FRY: variants seen among roughly 807,000 people sequenced by gnomAD.
The protein encoded by FRY is FRY microtubule binding protein, also known as protein furry homolog.
A neutral mutation model predicts 348.4 loss-of-function variants in FRY; 128 were observed. That is an observed-to-expected ratio of 0.37 (90% confidence interval 0.32 to 0.43). The LOEUF (loss-of-function observed/expected upper bound fraction) is 0.43. Ranked by LOEUF, FRY falls within the 20% of genes least tolerant of loss-of-function variation. The pLI is 1.00. For missense variants in FRY, 2,736 were observed against 3,695.2 expected (o/e 0.74, Z 6.73); for synonymous variants, 1,370 against 1,374.7 (o/e 1.00, Z 0.08).
chr13:32,191,822 A>G (rs1566121756), intron 28 of FRY, among the ~76,000 whole-genome samples: 1 of 151,834 alleles, frequency 6.6e-6, no homozygotes, highest in Non-Finnish European at 1.5e-5. Flanking sequence ...TGACCTAATC[A>G]CCTCCTAAAG....
chr13:32,228,714 C>A, intron 40 of FRY, 60 bp downstream of exon 40: 1 of 1,358,714 alleles, frequency 7.4e-7, no homozygotes, highest in Non-Finnish European at 1.1e-6. Context: ...AAATTGCCAA[C>A]GCTTTAAACC....
chr13:32,143,849 C>T (rs1880232573), intron 11 of FRY, among the ~76,000 whole-genome samples: 1 of 152,130 alleles, frequency 6.6e-6, no homozygotes, highest in Non-Finnish European at 1.5e-5. Context: ...TGTGCATTAA[C>T]TCACTTAACT....
At chr13:32,160,603 G>T (rs1881384158) in intron 16 of FRY, among the ~76,000 whole-genome samples, 1 of 152,144 alleles carries the variant, frequency 6.6e-6, no homozygotes, top group Non-Finnish European at 1.5e-5. Context: ...TTAAAAGTCA[G>T]AAATGGGTGC....
intron 2 of FRY, among the ~76,000 whole-genome samples, chr13:32,094,771 T>A (rs1378359527): frequency 6.6e-6 from 1 of 152,210 alleles, no homozygotes; most frequent in Admixed American, 6.5e-5. Context: ...TGATGGACAC[T>A]TAGGTTGCTT....
chr13:32,072,764 G>A (rs1372466667), intron 1 of FRY, among the ~76,000 whole-genome samples: 1 of 152,190 alleles, frequency 6.6e-6, no homozygotes, highest in East Asian at 1.9e-4. Flanking sequence ...GGGAAAGTGT[G>A]ATTCTAAAGA....
intron 53 of FRY, among the ~76,000 whole-genome samples, chr13:32,263,582 TAA>T (rs1346033125): frequency 2.6e-5 from 4 of 152,234 alleles, no homozygotes; most frequent in African/African-American, 4.8e-5. Flanking sequence ...GTTAAAATTC[TAA>T]GATTATGAAA....
rs1049955428 is a variant in FRY, at chr13:32,295,711, C to T, written c.*251C>T. On this transcript the variant is annotated 3_prime_UTR_variant, in exon 61 of 61. Transcript: ENST00000542859. Reference sequence around the variant, plus strand: ...GTGGCACAAATGTGTTACATTTGACCGAGCATATGCAACTCGCTACTGAAG... The same window carrying T: ...GTGGCACAAATGTGTTACATTTGACTGAGCATATGCAACTCGCTACTGAAG... 58 of 566,370 alleles carry T rather than the reference C, an allele frequency of 1.0e-4. No individual in the cohort carries two copies. Among genetic ancestry groups the T allele is most frequent in the South Asian group, 8.5e-4 (40 of 46,922 alleles). The allele number at this position is 566,370 out of a possible 1,614,324, so 35.1% of individuals were successfully genotyped here.
intron 3 of FRY, among the ~76,000 whole-genome samples, chr13:32,112,601 A>G (rs1878043395): frequency 6.6e-6 from 1 of 152,254 alleles, no homozygotes; most frequent in Non-Finnish European, 1.5e-5. Context: ...TTATATTCTT[A>G]ACTAGTGTCA....
intron 11 of FRY, among the ~76,000 whole-genome samples, chr13:32,145,780 A>G (rs1027399836): frequency 1.3e-5 from 2 of 150,926 alleles, no homozygotes; most frequent in East Asian, 3.9e-4. Context: ...TCCTGACCTC[A>G]TGATCCACCC....
Position 32,294,595 on chromosome 13 carries a change from G to A in FRY, c.8783+25G>A, listed in dbSNP as rs572166749. On this transcript the variant is annotated intron_variant, in intron 60 of 60. Coordinates refer to ENST00000542859, the MANE Select transcript of FRY (RefSeq NM_023037.3). ...GGTGACTCTGCTATTTCTTTTAGAG[G>A]TGGTTGCAGGAAATGCACACCTGGT... 5.7e-6 allele frequency: 9 copies of A among 1,566,762 alleles called. No homozygotes were observed. In the South Asian group the frequency reaches 1.0e-4, roughly 17 times the overall value.
In FRY at chr13:32,239,672, G is replaced by T; in HGVS notation, c.6517-39G>T. 7.3e-7 allele frequency: 1 copy of T among 1,377,180 alleles called. No individual in the cohort carries two copies. The highest frequency in any genetic ancestry group is 1.0e-6 in the Non-Finnish European group (1 of 966,702). The allele number at this position is 1,377,180 out of a possible 1,614,324, so 85.3% of individuals were successfully genotyped here. On this transcript the variant is annotated intron_variant, in intron 45 of 60. Coordinates refer to ENST00000542859, the MANE Select transcript of FRY (RefSeq NM_023037.3). The surrounding 1 kb of genome is among the most constrained non-coding windows in gnomAD (Gnocchi z 4.3). ...TTGCTAACATTTCTTCCTATTCATT[G>T]GGCTATTTTATTCCTAATTGATTTT...
At chr13:32,067,867 A>G (rs891079094) in intron 1 of FRY, among the ~76,000 whole-genome samples, 25 of 152,214 alleles carry the variant, frequency 1.6e-4, no homozygotes, top group African/African-American at 6.0e-4. Flanking sequence ...GAAGCATATC[A>G]GTTTTTCTAT....
Position 32,173,384 on chromosome 13 carries a change from C to T in FRY, c.2169C>T (p.Ser723=). 2 of 1,611,782 alleles carry T rather than the reference C, an allele frequency of 1.2e-6. No individual in the cohort carries two copies. The highest frequency in any genetic ancestry group is 1.7e-6 in the Non-Finnish European group (2 of 1,179,504). The change falls in exon 19 of 61, where the codon TCC becomes TCT. Residue 723 remains serine, a synonymous_variant. Coordinates refer to ENST00000542859, the MANE Select transcript of FRY (RefSeq NM_023037.3). ...IRNSELIANG[S]SHRIQSERGP... Reference sequence around the variant, plus strand: ...CATAACAGCTCATCGCAAATGGCTCCAGTCACAGAATTCAGTCGGAACGAG... The same window carrying T: ...CATAACAGCTCATCGCAAATGGCTCTAGTCACAGAATTCAGTCGGAACGAG...
Position 32,239,788 on chromosome 13 carries a change from G to T in FRY, c.6594G>T (p.Thr2198=). 1 of 1,613,968 alleles carries T rather than the reference G, an allele frequency of 6.2e-7. No homozygotes were observed. The highest frequency in any genetic ancestry group is 1.1e-5 in the South Asian group (1 of 91,076). Residue 2198 remains threonine (T), a synonymous_variant, in exon 46 of 61, where the codon ACG becomes ACT. Transcript: ENST00000542859. The surrounding 1 kb of genome is among the most constrained non-coding windows in gnomAD (Gnocchi z 4.3). ...VMTLYKTHSY[T]RDCATWVNVV... ...CTCTTTATAAAACGCACAGCTACAC[G>T]AGGGACTGTGCCACGTGGGTCAATG...
intron 3 of FRY, among the ~76,000 whole-genome samples, chr13:32,106,783 AG>A (rs1350980988): frequency 6.6e-6 from 1 of 152,216 alleles, no homozygotes; most frequent in Non-Finnish European, 1.5e-5. Flanking sequence ...GAAGAAGAAA[AG>A]AAAAAGAAGA....
rs115815331 is a variant in FRY at position 32,192,797 on chromosome 13, G to A, written c.3592-1346G>A. Among the ~76,000 whole-genome samples the A allele has an allele frequency of 8.0e-3, 1,154 of 144,058 alleles. 15 individuals are homozygous for A. Among genetic ancestry groups the A allele is most frequent in the African/African-American group, 0.029 (1,104 of 38,372 alleles). The allele number at this position is 144,058 out of a possible 152,430, so 94.5% of individuals were successfully genotyped here. A position where few individuals can be genotyped will look rare whatever the true frequency, so the allele number is the denominator to read the frequency against. On this transcript the variant is annotated intron_variant, in intron 28 of 60. Transcript: ENST00000542859. ...CTCACTCCATTGCCCCAGCTGGAGT[G>A]CAGTAGCGCCATCTCAGCTCACTGC...
At chr13:32,259,921 T>A (rs1294864019) in intron 51 of FRY, among the ~76,000 whole-genome samples, 1 of 152,242 alleles carries the variant, frequency 6.6e-6, no homozygotes, top group African/African-American at 2.4e-5. Context: ...AACAATATTC[T>A]GAGTCTGCAT....
rs138935146 is a variant in FRY at position 32,237,505 on chromosome 13, A to G, written c.5937A>G (p.Gln1979=). ...NTATAERSRH[Q]RSFSVPKKFG... The stretch of plus-strand genomic sequence containing the variant: ...CAACTGCCGAACGGAGCCGGCATCA[A>G]CGAAGCTTCTCTGTGCCCAAGAAGT... The change falls in exon 44 of 61, where the codon CAA becomes CAG. Residue 1979 remains glutamine, a synonymous_variant. Transcript: ENST00000542859. This position sits in a 1 kb window ranked among gnomAD's most constrained non-coding sequence, Gnocchi z 6.3. 521 of 1,614,166 alleles carry G rather than the reference A, an allele frequency of 3.2e-4. 3 individuals carry two copies. The African/African-American group carries it at 6.4e-3, about 20-fold the overall frequency.
intron 11 of FRY, among the ~76,000 whole-genome samples, chr13:32,140,244 G>A (rs756918405): frequency 7.2e-5 from 11 of 152,120 alleles, no homozygotes; most frequent in Admixed American, 3.9e-4. Context: ...GCAATGCCAC[G>A]GGCTACACTG....
Sources: allele counts gnomAD v4.1 joint callset (sites outside exome capture counted in the v4.1 genomes callset), GRCh38; gene constraint gnomAD v4.1.1; non-coding constraint Gnocchi (gnomAD v3.1); transcripts MANE v1.5; gene names NCBI Gene and HGNC (gene_info 2026-07-23, HGNC 2026-07-21).